ATP8A2: variants seen among roughly 807,000 people sequenced by gnomAD.
ATP8A2 encodes the protein ATPase phospholipid transporting 8A2, also known as phospholipid-transporting ATPase IB.
ATP8A2 carries 100 observed loss-of-function variants against 165.6 expected under a neutral mutation model. The observed-to-expected ratio is 0.60, with a 90% CI of 0.51 to 0.71. The LOEUF (loss-of-function observed/expected upper bound fraction) is 0.71. Ranked by LOEUF, ATP8A2 falls within the 30% of genes least tolerant of loss-of-function variation. The probability of loss-of-function intolerance (pLI) is 0.00; values close to 1 mark genes in which losing one functional copy is unlikely to be tolerated. For synonymous variants in ATP8A2, 543 were observed against 548.8 expected, an observed-to-expected ratio of 0.99 and a Z score of 0.15; for missense variants, 1,227 against 1,479.5, an observed-to-expected ratio of 0.83 and a Z score of 2.80.
chr13:25,729,407 T>G (rs9511898), intron 25 of ATP8A2, among the ~76,000 whole-genome samples: 6 of 152,000 alleles, frequency 3.9e-5, no homozygotes, highest in Admixed American at 2.6e-4. Flanking sequence ...GTGGCACATA[T>G]TTTCGTATGT....
intron 27 of ATP8A2, among the ~76,000 whole-genome samples, chr13:25,791,468 C>A (rs1369574660): frequency 1.3e-5 from 2 of 151,406 alleles, no homozygotes; most frequent in African/African-American, 2.4e-5. Flanking sequence ...ATCTGTACAA[C>A]AAACCACCAT....
At chr13:25,454,712 A>C (rs966310269) in intron 1 of ATP8A2, among the ~76,000 whole-genome samples, 1 of 152,192 alleles carries the variant, frequency 6.6e-6, no homozygotes, top group African/African-American at 2.4e-5. Context: ...TCACGAGGTC[A>C]TGAGATCGAG....
intron 28 of ATP8A2, among the ~76,000 whole-genome samples, chr13:25,833,046 G>A (rs1459418635): frequency 1.3e-5 from 2 of 151,174 alleles, no homozygotes; most frequent in Non-Finnish European, 2.9e-5. Flanking sequence ...AAAATCAATA[G>A]CCTTTTTCTA....
chr13:25,435,924 T>TGAGTGA (rs746041719), intron 1 of ATP8A2, among the ~76,000 whole-genome samples: 12 of 29,830 alleles, frequency 4.0e-4, no homozygotes, highest in East Asian at 1.5e-3. Context: ...TGTGTGTGTG[T>TGAGTGA]GTGTGTGAGT....
At chr13:25,577,201 T>C (rs547481446) in intron 20 of ATP8A2, 63 bp downstream of exon 20, 1 of 1,318,566 alleles carries the variant, frequency 7.6e-7, no homozygotes, top group East Asian at 2.3e-5. Flanking sequence ...TCTGCCGCTT[T>C]TCCTAACTGC....
At chr13:25,487,857 T>C (rs68106511) in intron 2 of ATP8A2, among the ~76,000 whole-genome samples, 19,407 of 152,160 alleles carry the variant, frequency 0.13, 1,425 homozygotes, top group Non-Finnish European at 0.18. Flanking sequence ...CTTTTTTTTT[T>C]TGTAATAGCC....
At chr13:25,533,015 G>C (rs1396830882) in intron 5 of ATP8A2, among the ~76,000 whole-genome samples, 1 of 151,840 alleles carries the variant, frequency 6.6e-6, no homozygotes, top group East Asian at 1.9e-4. Flanking sequence ...TTTCTTCTGG[G>C]CTGAAAATAA....
At chr13:25,618,432 T>G (rs1200138329) in intron 24 of ATP8A2, among the ~76,000 whole-genome samples, 1 of 151,728 alleles carries the variant, frequency 6.6e-6, no homozygotes, top group Non-Finnish European at 1.5e-5. Flanking sequence ...GAAAGATTTG[T>G]CATTTTCGGG....
Position 26,021,194 on chromosome 13 carries a change from C to T in ATP8A2, c.*1209C>T, listed in dbSNP as rs886553116. The stretch of plus-strand genomic sequence containing the variant: ...GGGAGAACAAGACGACCACAGAAGT[C>T]CTCAGAAGGAGAAGGAAGGACACGG... On this transcript the variant is annotated 3_prime_UTR_variant, in exon 37 of 37. Transcript: ENST00000381655. 6.6e-6 allele frequency: 1 copy of T among 152,180 alleles called. No individual in the cohort carries two copies. Among genetic ancestry groups the T allele is most frequent in the Non-Finnish European group, 1.5e-5 (1 of 68,090 alleles). 9.4% of individuals were successfully genotyped at this position (152,180 alleles called of 1,614,324 possible).
At chr13:25,678,379 G>C (rs540694671) in intron 24 of ATP8A2, among the ~76,000 whole-genome samples, 147 of 151,998 alleles carry the variant, frequency 9.7e-4, no homozygotes, top group African/African-American at 3.3e-3. Context: ...GATATGGCCG[G>C]GAGTATTGCT....
chr13:25,538,627 T>C (rs2038364467), intron 7 of ATP8A2, among the ~76,000 whole-genome samples: 1 of 152,230 alleles, frequency 6.6e-6, no homozygotes, highest in African/African-American at 2.4e-5. Flanking sequence ...TTCTTGACTT[T>C]TTTGGGGCTT....
intron 24 of ATP8A2, among the ~76,000 whole-genome samples, chr13:25,614,384 T>C (rs192559459): frequency 5.9e-5 from 9 of 152,294 alleles, no homozygotes; most frequent in Non-Finnish European, 1.0e-4. Flanking sequence ...TTATTTATGT[T>C]GTCTATTTCT....
chr13:25,547,243 A>G (rs2038680398), intron 10 of ATP8A2, among the ~76,000 whole-genome samples: 1 of 152,010 alleles, frequency 6.6e-6, no homozygotes, highest in South Asian at 2.1e-4. Flanking sequence ...CCCAAGCCAC[A>G]GACTGGTACC....
chr13:25,835,645 A>G (rs948882758), intron 28 of ATP8A2, among the ~76,000 whole-genome samples: 60 of 152,234 alleles, frequency 3.9e-4, no homozygotes, highest in African/African-American at 1.4e-3. Context: ...CTCAGGGCCA[A>G]CATGTCCTGA....
chr13:25,557,743 A>C (rs2039022424), intron 13 of ATP8A2, among the ~76,000 whole-genome samples: 1 of 152,184 alleles, frequency 6.6e-6, no homozygotes, highest in South Asian at 2.1e-4. Context: ...GAAAGTGTTC[A>C]AGAAGTACCC....
chr13:25,496,333 T>C (rs1006839997), intron 2 of ATP8A2, among the ~76,000 whole-genome samples: 1 of 152,174 alleles, frequency 6.6e-6, no homozygotes, highest in African/African-American at 2.4e-5. Context: ...CCAGCTTGGA[T>C]GTTAGACCAC....
In ATP8A2 at chr13:25,854,990, C is replaced by T. The variant is rs1952116410; in HGVS notation, c.2957-5205C>T. 3.9e-5 allele frequency among the ~76,000 whole-genome samples: 6 copies of T among 152,156 alleles called. No individual in the cohort carries two copies. The South Asian group carries it at 1.2e-3, about 32-fold the overall frequency. Reference sequence around the variant, plus strand: ...TCCTGGCCGGGCACGGTGGCTCATGCCTGTAATCCCAGCACTTTGGGAGGC... The same window carrying T: ...TCCTGGCCGGGCACGGTGGCTCATGTCTGTAATCCCAGCACTTTGGGAGGC... On this transcript the variant is annotated intron_variant, in intron 30 of 36. Transcript: ENST00000381655.
chr13:25,599,033 AT>A (rs546770126), intron 24 of ATP8A2, among the ~76,000 whole-genome samples: 155 of 148,482 alleles, frequency 1.0e-3, no homozygotes, highest in African/African-American at 2.8e-3. Context: ...AGCCCTGGGA[AT>A]TTTTTTTTTT....
Position 25,563,390 on chromosome 13 carries a change from C to T in ATP8A2, c.1398-566C>T, listed in dbSNP as rs904844273. Among the ~76,000 whole-genome samples, 7 of 139,322 alleles carry T rather than the reference C, an allele frequency of 5.0e-5. No individual in the cohort carries two copies. The South Asian group carries it at 1.6e-3, about 32-fold the overall frequency. 91.4% of individuals were successfully genotyped at this position (139,322 alleles called of 152,430 possible). A position where few individuals can be genotyped will look rare whatever the true frequency, so the allele number is the denominator to read the frequency against. On this transcript the variant is annotated intron_variant, in intron 15 of 36. Coordinates refer to ENST00000381655, the MANE Select transcript of ATP8A2 (RefSeq NM_016529.6). The stretch of plus-strand genomic sequence containing the variant: ...CACCATTGCACTCCAGCCTGGGCAA[C>T]AAGGGTGAAATTTCATCTCAAAAAA...
Sources: allele counts gnomAD v4.1 joint callset (sites outside exome capture counted in the v4.1 genomes callset), GRCh38; gene constraint gnomAD v4.1.1; transcripts MANE v1.5; gene names NCBI Gene and HGNC (gene_info 2026-07-23, HGNC 2026-07-21).